Variants in MAP2K4 observed in about 807,000 individuals in gnomAD.
MAP2K4 encodes mitogen-activated protein kinase kinase 4.
Under a neutral mutation model 48.5 loss-of-function variants are expected in MAP2K4, and 4 were observed. The ratio of observed to expected loss-of-function variants is 0.08; its 90% CI spans 0.04 to 0.19. The LOEUF is 0.19. MAP2K4 is among the 10% of genes least tolerant of loss of function. MAP2K4 has a pLI of 1.00. For missense variants in MAP2K4, 258 were observed against 493.3 expected, an observed-to-expected ratio of 0.52 and a Z score of 4.52; for synonymous variants, 166 against 173.1, an observed-to-expected ratio of 0.96 and a Z score of 0.32.
intron 2 of MAP2K4, among the ~76,000 whole-genome samples, chr17:12,061,022 A>G (rs527704656): frequency 1.3e-5 from 2 of 152,152 alleles, no homozygotes; most frequent in Non-Finnish European, 2.9e-5. Context: ...TTCTGTCTCT[A>G]TGAATCTAAC....
rs759220323 is a variant in MAP2K4 at position 12,081,966 on chromosome 17, C to T, written c.393+436C>T. On this transcript the variant is annotated intron_variant, in intron 3 of 10. Coordinates refer to ENST00000353533, the MANE Select transcript of MAP2K4 (RefSeq NM_003010.4). This position sits in a 1 kb window ranked among gnomAD's most constrained non-coding sequence, Gnocchi z 4.2. ...AGGTTTCCTGGAAACCACGCACATG[C>T]TGTTGCCACTAACCTCAACCTTACT... The T allele has an allele frequency of 3.8e-6, 2 of 532,894 alleles. No individual in the cohort carries two copies. The allele number at this position is 532,894 out of a possible 1,614,324, so 33.0% of individuals were successfully genotyped here. A position where few individuals can be genotyped will look rare whatever the true frequency, so the allele number is the denominator to read the frequency against.
chr17:12,038,432 A>G (rs1485567214), intron 1 of MAP2K4, among the ~76,000 whole-genome samples: 5 of 152,164 alleles, frequency 3.3e-5, no homozygotes, highest in Non-Finnish European at 7.4e-5. Context: ...GTACGAACAT[A>G]TTCACTCCCC....
At chr17:12,070,730 C>G (rs904466043) in intron 2 of MAP2K4, among the ~76,000 whole-genome samples, 5 of 152,210 alleles carry the variant, frequency 3.3e-5, no homozygotes, top group Admixed American at 6.5e-5. Context: ...TTTATTGGAA[C>G]ATAGCCACAC....
chr17:12,038,727 T>C (rs541106826), intron 1 of MAP2K4, among the ~76,000 whole-genome samples: 1 of 152,260 alleles, frequency 6.6e-6, no homozygotes, highest in East Asian at 1.9e-4. Context: ...AGCAGCCTTA[T>C]GAAGTAGGTA....
intron 1 of MAP2K4, among the ~76,000 whole-genome samples, chr17:12,052,463 A>G (rs571430147): frequency 6.6e-6 from 1 of 152,336 alleles, no homozygotes; most frequent in South Asian, 2.1e-4. Flanking sequence ...ATATTCAAGA[A>G]AACAGTTTAA....
In MAP2K4 at chr17:12,067,250, A is replaced by G. The variant is rs538121924; in HGVS notation, c.218+12259A>G. Among the ~76,000 whole-genome samples, 6 of 152,356 alleles carry G rather than the reference A, an allele frequency of 3.9e-5. No individual in the cohort carries two copies. In the South Asian group the frequency reaches 1.2e-3, roughly 32 times the overall value. On this transcript the variant is annotated intron_variant, in intron 2 of 10. Coordinates refer to ENST00000353533, the MANE Select transcript of MAP2K4 (RefSeq NM_003010.4). The stretch of plus-strand genomic sequence containing the variant: ...AATTAAAAACAATGTTTTAGAGAAC[A>G]ACTTTGTGCTGGTGAAATGTACTTT...
chr17:12,036,009 G>A (rs902980115), intron 1 of MAP2K4, among the ~76,000 whole-genome samples: 2 of 152,068 alleles, frequency 1.3e-5, no homozygotes, highest in South Asian at 2.1e-4. Flanking sequence ...CACAAATAGC[G>A]ATTACATATT....
At chr17:12,086,796 A>G (rs974885125) in intron 3 of MAP2K4, among the ~76,000 whole-genome samples, 11 of 152,072 alleles carry the variant, frequency 7.2e-5, no homozygotes, top group African/African-American at 2.4e-4. Context: ...CTAAATCCCA[A>G]CTTACATAGT....
chr17:12,119,087 C>G (rs1972591374), intron 7 of MAP2K4, among the ~76,000 whole-genome samples: 2 of 152,074 alleles, frequency 1.3e-5, no homozygotes, highest in Admixed American at 1.3e-4. Flanking sequence ...TGAAATGGTT[C>G]TGAATCAAGG....
rs527324219 is a variant in MAP2K4 at position 12,025,691 on chromosome 17, G to A, written c.115+4690G>A. On this transcript the variant is annotated intron_variant, in intron 1 of 10. Coordinates refer to ENST00000353533, the MANE Select transcript of MAP2K4 (RefSeq NM_003010.4). ...GCATTTTTATGTATCAGTTTAAGTA[G>A]AAAGATGATAGCTTGATTCTGCTTT... is the stretch of plus-strand genomic sequence containing the variant. Among the ~76,000 whole-genome samples, 18 of 152,264 alleles carry A rather than the reference G, an allele frequency of 1.2e-4. No homozygotes were observed. In the South Asian group the frequency reaches 3.3e-3, roughly 28 times the overall value.
chr17:12,045,139 C>T (rs191075112), intron 1 of MAP2K4, among the ~76,000 whole-genome samples: 26 of 152,290 alleles, frequency 1.7e-4, no homozygotes, highest in Admixed American at 3.3e-4. Flanking sequence ...TGTCATTGTC[C>T]TTGAGTCAAG....
chr17:12,095,773 TTAAATGCC>T, intron 4 of MAP2K4, 79 bp downstream of exon 4: 1 of 1,442,020 alleles, frequency 6.9e-7, no homozygotes, highest in Non-Finnish European at 9.6e-7. Context: ...GATTCTATTC[TTAAATGCC>T]ATACATTAGT....
chr17:12,095,978 GTTC>G (rs1373143411), intron 4 of MAP2K4, among the ~76,000 whole-genome samples: 4 of 120,420 alleles, frequency 3.3e-5, no homozygotes, highest in African/African-American at 1.3e-4. Flanking sequence ...AATATTTTCT[GTTC>G]TTTAAGAACC....
chr17:12,088,421 TTATA>T (rs963077054), intron 3 of MAP2K4, among the ~76,000 whole-genome samples: 1 of 108,336 alleles, frequency 9.2e-6, no homozygotes, highest in South Asian at 2.9e-4. Context: ...TATATATAAA[TTATA>T]TATAATATAT....
intron 1 of MAP2K4, among the ~76,000 whole-genome samples, chr17:12,052,834 T>G (rs1055303702): frequency 6.6e-6 from 1 of 152,194 alleles, no homozygotes; most frequent in African/African-American, 2.4e-5. Flanking sequence ...TTCCAGAGAT[T>G]AGGAGCTTAG....
intron 6 of MAP2K4, among the ~76,000 whole-genome samples, chr17:12,111,061 T>G (rs1972288059): frequency 6.6e-6 from 1 of 152,204 alleles, no homozygotes; most frequent in Admixed American, 6.6e-5. Flanking sequence ...ATTACTGTGC[T>G]AGACTCAGGG....
chr17:12,071,956 T>C (rs1970825591), intron 2 of MAP2K4, among the ~76,000 whole-genome samples: 1 of 152,210 alleles, frequency 6.6e-6, no homozygotes, highest in African/African-American at 2.4e-5. Flanking sequence ...GGAAGTCTCA[T>C]TTACTGTATT....
At chr17:12,132,798 C>G (rs1973073759) in intron 9 of MAP2K4, among the ~76,000 whole-genome samples, 1 of 152,114 alleles carries the variant, frequency 6.6e-6, no homozygotes, top group South Asian at 2.1e-4. Context: ...CAGAAGGGTG[C>G]TGAGCGTGCC....
intron 1 of MAP2K4, among the ~76,000 whole-genome samples, chr17:12,047,037 C>A (rs935045511): frequency 6.6e-6 from 1 of 152,158 alleles, no homozygotes; most frequent in African/African-American, 2.4e-5. Flanking sequence ...AAAGCAGTAC[C>A]CTTTCAGGAA....
Sources: allele counts gnomAD v4.1 joint callset (sites outside exome capture counted in the v4.1 genomes callset), GRCh38; gene constraint gnomAD v4.1.1; non-coding constraint Gnocchi (gnomAD v3.1); transcripts MANE v1.5; gene names NCBI Gene and HGNC (gene_info 2026-07-23, HGNC 2026-07-21).